KCNQ1: variants seen among roughly 807,000 people sequenced by gnomAD.
KCNQ1 encodes potassium voltage-gated channel subfamily KQT member 1.
KCNQ1 carries 49 observed loss-of-function variants against 72.4 expected under a neutral mutation model. The ratio of observed to expected loss-of-function variants is 0.68; its 90% confidence interval spans 0.54 to 0.86. The LOEUF (loss-of-function observed/expected upper bound fraction) is 0.86, where lower values mean the gene tolerates loss of function less well. Among genes scored for constraint, KCNQ1 ranks in the 40% least tolerant of loss-of-function variants. The probability of loss-of-function intolerance (pLI) is 0.00; values close to 1 mark genes in which losing one functional copy is unlikely to be tolerated. For synonymous variants in KCNQ1, 450 were observed against 412.6 expected, an observed-to-expected ratio of 1.09 and a Z score of -1.10; for missense variants, 790 against 945.1, an observed-to-expected ratio of 0.84 and a Z score of 2.15.
At chr11:2,792,585 G>T (rs1459632473) in intron 15 of KCNQ1, among the ~76,000 whole-genome samples, 1 of 152,136 alleles carries the variant, frequency 6.6e-6, no homozygotes, top group Non-Finnish European at 1.5e-5. Flanking sequence ...GTGAGGGAGC[G>T]CATCCTATGG....
rs550980156 is a variant in KCNQ1 at position 2,481,633 on chromosome 11, C to T, written c.386+36149C>T. Among the ~76,000 whole-genome samples the T allele has an allele frequency of 1.2e-3, 177 of 152,316 alleles. 1 individual carries two copies. The highest frequency in any genetic ancestry group is 7.7e-3 in the South Asian group (37 of 4,824). On this transcript the variant is annotated intron_variant, in intron 1 of 15. Transcript: ENST00000155840. This position sits in a 1 kb window ranked among gnomAD's most constrained non-coding sequence, Gnocchi z 4.6. Reference sequence around the variant, plus strand: ...AGTCACTCCCCATCACTCGCATTACCGCGTGAGCTCTGCCTCCTATCAGAT... The same window carrying T: ...AGTCACTCCCCATCACTCGCATTACTGCGTGAGCTCTGCCTCCTATCAGAT...
In KCNQ1 at chr11:2,724,093, C is replaced by T. The variant is rs940172807; in HGVS notation, c.1515-44751C>T. ...CTCCGGTGGTGCCTGGGGGCCCAGG[C>T]TTTTGATAGAGAATCACATCTGGAC... On this transcript the variant is annotated intron_variant, in intron 11 of 15. Transcript: ENST00000155840. The surrounding 1 kb of genome is among the most constrained non-coding windows in gnomAD (Gnocchi z 6.8). Among the ~76,000 whole-genome samples the T allele has an allele frequency of 4.6e-5, 7 of 152,168 alleles. No homozygotes were observed. The East Asian group carries it at 1.4e-3, about 30-fold the overall frequency.
rs145114014 is a variant in KCNQ1 at position 2,703,172 on chromosome 11, C to T, written c.1514+41091C>T. On this transcript the variant is annotated intron_variant, in intron 11 of 15. Coordinates refer to ENST00000155840, the MANE Select transcript of KCNQ1 (RefSeq NM_000218.3). This position sits in a 1 kb window ranked among gnomAD's most constrained non-coding sequence, Gnocchi z 6.4. ...TGGCCTTGGGCACCATGGCAGAATT[C>T]TGGGAGGGGGCTGCAGTCACGGCCA... 3.9e-5 allele frequency among the ~76,000 whole-genome samples: 6 copies of T among 152,064 alleles called. No individual in the cohort carries two copies. The East Asian group carries it at 1.2e-3, about 30-fold the overall frequency.
At chr11:2,453,723 C>T (rs1846146272) in intron 1 of KCNQ1, among the ~76,000 whole-genome samples, 1 of 152,206 alleles carries the variant, frequency 6.6e-6, no homozygotes, top group African/African-American at 2.4e-5. Flanking sequence ...TCTTCACTGA[C>T]CTGTGACCCA....
At chr11:2,449,707 CAG>C (rs1285639299) in intron 1 of KCNQ1, among the ~76,000 whole-genome samples, 2 of 152,184 alleles carry the variant, frequency 1.3e-5, no homozygotes, top group Non-Finnish European at 2.9e-5. Context: ...CCGAGGGTGT[CAG>C]AGTGACAGGG....
chr11:2,573,103 C>A, intron 6 of KCNQ1, 117 bp downstream of exon 6: 2 of 1,211,910 alleles, frequency 1.7e-6, no homozygotes, highest in Non-Finnish European at 2.3e-6. Context: ...CTCACCTGCA[C>A]GCTCACAGGC....
rs565978200 is a variant in KCNQ1, at chr11:2,529,116, C to T, written c.477+1098C>T. ...AGTTCTCCCAGCACTATGTTTTCCA[C>T]AGTCCATCTGTCCTGCCTGACTGGA... On this transcript the variant is annotated intron_variant, in intron 2 of 15. Transcript: ENST00000155840. 2.6e-5 allele frequency among the ~76,000 whole-genome samples: 4 copies of T among 152,318 alleles called. No individual in the cohort carries two copies. The South Asian group carries it at 8.3e-4, about 32-fold the overall frequency.
Position 2,673,491 on chromosome 11 carries a change from C to A in KCNQ1, c.1514+11410C>A. The A allele has an allele frequency of 2.5e-6, 1 of 398,652 alleles. No individual in the cohort carries two copies. Among genetic ancestry groups the A allele is most frequent in the South Asian group, 1.3e-4 (1 of 7,846 alleles). The allele number at this position is 398,652 out of a possible 1,614,324, so 24.7% of individuals were successfully genotyped here. On this transcript the variant is annotated intron_variant, in intron 11 of 15. Coordinates refer to ENST00000155840, the MANE Select transcript of KCNQ1 (RefSeq NM_000218.3). This position sits in a 1 kb window ranked among gnomAD's most constrained non-coding sequence, Gnocchi z 4.5. ...CTGAAAAGCCATACAGACTCCTGCT[C>A]ATCACAACCACTTGTTGATGCTGAC...
At position 2,782,438 on chromosome 11, in the gene KCNQ1, G is replaced by A. The variant is rs1005217024; in HGVS notation, c.1794+4401G>A. On this transcript the variant is annotated intron_variant, in intron 15 of 15. Transcript: ENST00000155840. This position sits in a 1 kb window ranked among gnomAD's most constrained non-coding sequence, Gnocchi z 6.1. ...CTTGTATGGTCTTCATCAGGCTTTGGTGTCAAATGTATGTGAGCCTCACAG... is the reference window on the plus strand; with the variant it reads ...CTTGTATGGTCTTCATCAGGCTTTGATGTCAAATGTATGTGAGCCTCACAG... 2.0e-5 allele frequency among the ~76,000 whole-genome samples: 3 copies of A among 152,170 alleles called. No homozygotes were observed. The highest frequency in any genetic ancestry group is 7.2e-5 in the African/African-American group (3 of 41,434).
chr11:2,628,388 T>A (rs546507041), intron 10 of KCNQ1: 115 of 398,412 alleles, frequency 2.9e-4, no homozygotes, highest in Non-Finnish European at 4.8e-4. Context: ...TGATGATAAG[T>A]GATGTTAAGC....
Position 2,664,995 on chromosome 11 carries a change from C to T in KCNQ1, c.1514+2914C>T, listed in dbSNP as rs556986085. ...GTCCCTGGGGCTGGGCGAAGCTCCT[C>T]TTTCCGGGGCCTGTTAGCCAGAGGT... On this transcript the variant is annotated intron_variant, in intron 11 of 15. Transcript: ENST00000155840. This position sits in a 1 kb window ranked among gnomAD's most constrained non-coding sequence, Gnocchi z 5.1. The T allele has an allele frequency of 4.5e-5, 18 of 398,656 alleles. No individual in the cohort carries two copies. Among genetic ancestry groups the T allele is most frequent in the African/African-American group, 3.3e-4 (16 of 48,716 alleles). The allele number at this position is 398,656 out of a possible 1,614,324, so 24.7% of individuals were successfully genotyped here. A position where few individuals can be genotyped will look rare whatever the true frequency, so the allele number is the denominator to read the frequency against.
In KCNQ1 at chr11:2,624,965, C is replaced by T. The variant is rs967925758; in HGVS notation, c.1393+36111C>T. The T allele has an allele frequency of 2.5e-6, 1 of 398,478 alleles. No homozygotes were observed. Among genetic ancestry groups the T allele is most frequent in the Non-Finnish European group, 4.4e-6 (1 of 226,048 alleles). 24.7% of individuals were successfully genotyped at this position (398,478 alleles called of 1,614,324 possible). A position where few individuals can be genotyped will look rare whatever the true frequency, so the allele number is the denominator to read the frequency against. ...AATATTACATTGTATGTATATACCA[C>T]ATTTTGCTTATCCATTCTTCCATGG... On this transcript the variant is annotated intron_variant, in intron 10 of 15. Coordinates refer to ENST00000155840, the MANE Select transcript of KCNQ1 (RefSeq NM_000218.3). This position sits in a 1 kb window ranked among gnomAD's most constrained non-coding sequence, Gnocchi z 4.9.
In KCNQ1 at chr11:2,828,408, A is replaced by G. The variant is rs771143166; in HGVS notation, c.1795-19359A>G. On this transcript the variant is annotated intron_variant, in intron 15 of 15. Transcript: ENST00000155840. This position sits in a 1 kb window ranked among gnomAD's most constrained non-coding sequence, Gnocchi z 5.3. ...TGGAAACATGTAAATCAACTAGGGT[A>G]AAGTGGTCAGGAGAAAAGAGGAGAC... Among the ~76,000 whole-genome samples the G allele has an allele frequency of 6.6e-6, 1 of 152,244 alleles. No individual in the cohort carries two copies. The highest frequency in any genetic ancestry group is 1.5e-5 in the Non-Finnish European group (1 of 68,040).
At chr11:2,615,102 T>C (rs891390649) in intron 10 of KCNQ1, 1 of 398,326 alleles carries the variant, frequency 2.5e-6, no homozygotes, top group Non-Finnish European at 4.4e-6. Context: ...AGTGCAGAAG[T>C]CTTTCACCTT....
chr11:2,821,182 G>A (rs550520932), intron 15 of KCNQ1, among the ~76,000 whole-genome samples: 2 of 152,224 alleles, frequency 1.3e-5, no homozygotes, highest in Non-Finnish European at 2.9e-5. Context: ...GTAGCAACAC[G>A]GGTGTCAGAG....
rs1298410737 is a variant in KCNQ1, at chr11:2,516,033, C to A, written c.387-11895C>A. Among the ~76,000 whole-genome samples, 1 of 152,114 alleles carries A rather than the reference C, an allele frequency of 6.6e-6. No homozygotes were observed. Among genetic ancestry groups the A allele is most frequent in the South Asian group, 2.1e-4 (1 of 4,824 alleles). ...CACTGAGCCCCTGGGCCTATCCGCC[C>A]ACGCCCAGGCCAGGGCTCCTGCTGG... On this transcript the variant is annotated intron_variant, in intron 1 of 15. Coordinates refer to ENST00000155840, the MANE Select transcript of KCNQ1 (RefSeq NM_000218.3). The surrounding 1 kb of genome is among the most constrained non-coding windows in gnomAD (Gnocchi z 7.0).
chr11:2,661,271 A>G lies in KCNQ1; in HGVS notation c.1394-690A>G, dbSNP rs995176084. 7.5e-6 allele frequency: 3 copies of G among 399,196 alleles called. No homozygotes were observed. Among genetic ancestry groups the G allele is most frequent in the African/African-American group, 6.2e-5 (3 of 48,644 alleles). The allele number at this position is 399,196 out of a possible 1,614,324, so 24.7% of individuals were successfully genotyped here. A position where few individuals can be genotyped will look rare whatever the true frequency, so the allele number is the denominator to read the frequency against. ...ATAAAATATTTAAATGAAGACAAAT[A>G]TAAGCCAAGAGCAAATACTGATAGT... On this transcript the variant is annotated intron_variant, in intron 10 of 15. Coordinates refer to ENST00000155840, the MANE Select transcript of KCNQ1 (RefSeq NM_000218.3). The surrounding 1 kb of genome is among the most constrained non-coding windows in gnomAD (Gnocchi z 5.9).
intron 15 of KCNQ1, among the ~76,000 whole-genome samples, chr11:2,797,055 G>A (rs1298947711): frequency 6.6e-6 from 1 of 152,224 alleles, no homozygotes; most frequent in African/African-American, 2.4e-5. Flanking sequence ...TCCCCACGGG[G>A]CCACAACGGG....
intron 1 of KCNQ1, among the ~76,000 whole-genome samples, chr11:2,501,718 C>CAAAAAAAAAAAAAAAAAAAAAAAAAA (rs55865890): frequency 1.5e-5 from 1 of 68,888 alleles, no homozygotes; most frequent in African/African-American, 5.0e-5. Context: ...AAAGATACAT[C>CAAAAAAAAAAAAAAAAAAAAAAAAAA]AAAAAAAAAA....
Sources: gnomAD v4.1 joint callset for allele counts (sites outside exome capture counted in the v4.1 genomes callset) on GRCh38, gnomAD v4.1.1 for gene constraint, Gnocchi (gnomAD v3.1) non-coding constraint, MANE v1.5 for transcripts, NCBI Gene and HGNC (gene_info 2026-07-23, HGNC 2026-07-21) for gene names.